LRFN2: variants seen among roughly 807,000 people sequenced by gnomAD.
LRFN2 encodes leucine-rich repeat and fibronectin type-III domain-containing protein 2.
LRFN2 carries 18 observed loss-of-function variants against 37.3 expected under a neutral mutation model. The ratio of observed to expected loss-of-function variants is 0.48; its 90% confidence interval spans 0.33 to 0.72. The LOEUF is 0.72. Ranked by LOEUF, LRFN2 falls within the 30% of genes least tolerant of loss-of-function variation. The pLI is 0.02. For missense variants in LRFN2, 1,006 were observed against 1,060.7 expected (o/e 0.95, Z 0.72); for synonymous variants, 556 against 466.6 (o/e 1.19, Z -2.47).
chr6:40,498,115 G>A (rs1001009663), intron 1 of LRFN2, among the ~76,000 whole-genome samples: 2 of 152,126 alleles, frequency 1.3e-5, no homozygotes, highest in East Asian at 1.9e-4. Flanking sequence ...CTACAACAGC[G>A]CGCCTATAGA....
chr6:40,538,076 C>T (rs1388397869), intron 1 of LRFN2, among the ~76,000 whole-genome samples: 2 of 152,300 alleles, frequency 1.3e-5, no homozygotes, highest in Middle Eastern at 3.4e-3. Flanking sequence ...CCTTGGAACG[C>T]TAAGGCAGAG....
intron 2 of LRFN2, among the ~76,000 whole-genome samples, chr6:40,415,798 T>A (rs1232967617): frequency 6.6e-6 from 1 of 152,180 alleles, no homozygotes; most frequent in East Asian, 1.9e-4. Context: ...ACCTCTCGAA[T>A]GACTAAAGGT....
At chr6:40,511,813 A>G (rs1253895205) in intron 1 of LRFN2, among the ~76,000 whole-genome samples, 1 of 152,230 alleles carries the variant, frequency 6.6e-6, no homozygotes, top group African/African-American at 2.4e-5. Context: ...CAAAGTTCTA[A>G]TATGATGATT....
chr6:40,400,906 T>C (rs1485222941), intron 2 of LRFN2, among the ~76,000 whole-genome samples: 1 of 151,458 alleles, frequency 6.6e-6, no homozygotes, highest in Non-Finnish European at 1.5e-5. Context: ...TGTGCCAGAG[T>C]GTAGGTGTTT....
intron 1 of LRFN2, among the ~76,000 whole-genome samples, chr6:40,566,790 C>T (rs956639077): frequency 2.0e-5 from 3 of 151,524 alleles, no homozygotes; most frequent in South Asian, 4.2e-4. Flanking sequence ...TGCTAAATGA[C>T]GAGTTAATGG....
At chr6:40,576,765 C>T (rs1314217488) in intron 1 of LRFN2, among the ~76,000 whole-genome samples, 2 of 152,180 alleles carry the variant, frequency 1.3e-5, no homozygotes, top group Admixed American at 6.5e-5. Flanking sequence ...GGGTCCTGGC[C>T]AGCCTGGCTC....
At chr6:40,545,236 A>G (rs1054791652) in intron 1 of LRFN2, among the ~76,000 whole-genome samples, 4 of 152,218 alleles carry the variant, frequency 2.6e-5, no homozygotes, top group African/African-American at 9.6e-5. Flanking sequence ...TTAGGCCTCT[A>G]ATGCTGGAGA....
At chr6:40,535,894 G>A (rs1766439693) in intron 1 of LRFN2, among the ~76,000 whole-genome samples, 3 of 152,020 alleles carry the variant, frequency 2.0e-5, no homozygotes. Flanking sequence ...TAGGGAAAGG[G>A]GACAGTAAGA....
rs557711725 is a variant in LRFN2 at position 40,510,081 on chromosome 6, C to A, written c.-19+76860G>T. On this transcript the variant is annotated intron_variant, in intron 1 of 2. Coordinates refer to ENST00000338305, the MANE Select transcript of LRFN2 (RefSeq NM_020737.3). The stretch of plus-strand genomic sequence containing the variant: ...AGCTGAGTGCATGCATGTGGGTATG[C>A]CACGGAACACTGGGTTGTTCAGATA... Among the ~76,000 whole-genome samples, 3 of 149,126 alleles carry A rather than the reference C, an allele frequency of 2.0e-5. No individual in the cohort carries two copies. The South Asian group carries it at 6.4e-4, about 32-fold the overall frequency.
intron 2 of LRFN2, among the ~76,000 whole-genome samples, chr6:40,413,386 C>T (rs550355493): frequency 3.5e-5 from 5 of 141,782 alleles, no homozygotes; most frequent in Non-Finnish European, 6.2e-5. Context: ...CCACTCAGCA[C>T]TGGGCCTGGG....
At chr6:40,568,528 T>C (rs555832320) in intron 1 of LRFN2, among the ~76,000 whole-genome samples, 115 of 152,316 alleles carry the variant, frequency 7.6e-4, no homozygotes, top group African/African-American at 2.7e-3. Flanking sequence ...AAGATAAAGA[T>C]CCTACGTGTG....
intron 1 of LRFN2, among the ~76,000 whole-genome samples, chr6:40,488,143 G>C (rs773587279): frequency 3.3e-5 from 5 of 152,140 alleles, no homozygotes; most frequent in African/African-American, 1.2e-4. Context: ...GAATAAATAG[G>C]CTCTTGGGAG....
chr6:40,558,275 C>A (rs1766927434), intron 1 of LRFN2, among the ~76,000 whole-genome samples: 1 of 152,182 alleles, frequency 6.6e-6, no homozygotes. Context: ...AGCCTGTGTC[C>A]CCTGGCTCCT....
At chr6:40,568,867 A>G (rs1767137721) in intron 1 of LRFN2, among the ~76,000 whole-genome samples, 1 of 152,122 alleles carries the variant, frequency 6.6e-6, no homozygotes, top group African/African-American at 2.4e-5. Context: ...GATTACAGGC[A>G]TGTGCCACCA....
intron 1 of LRFN2, among the ~76,000 whole-genome samples, chr6:40,514,703 T>C (rs936762131): frequency 6.6e-6 from 1 of 152,218 alleles, no homozygotes; most frequent in African/African-American, 2.4e-5. Context: ...AAATAAACTT[T>C]TGGCTTTTGA....
chr6:40,459,970 A>G (rs1326369591), intron 1 of LRFN2, among the ~76,000 whole-genome samples: 1 of 152,222 alleles, frequency 6.6e-6, no homozygotes, highest in Admixed American at 6.5e-5. Context: ...AGGAAGCTGC[A>G]ATTGCAAGCC....
chr6:40,429,544 T>C (rs1037525718), intron 2 of LRFN2, among the ~76,000 whole-genome samples: 2 of 152,214 alleles, frequency 1.3e-5, no homozygotes, highest in African/African-American at 4.8e-5. Flanking sequence ...ACCTCTCAAA[T>C]TGGCAAAGAT....
intron 1 of LRFN2, among the ~76,000 whole-genome samples, chr6:40,550,693 A>T (rs1263186370): frequency 6.6e-6 from 1 of 151,978 alleles, no homozygotes; most frequent in Non-Finnish European, 1.5e-5. Context: ...TTTTTTTTGC[A>T]ATTTTCATAT....
chr6:40,503,953 T>C (rs1435350043), intron 1 of LRFN2, among the ~76,000 whole-genome samples: 2 of 146,686 alleles, frequency 1.4e-5, no homozygotes, highest in Non-Finnish European at 3.0e-5. Flanking sequence ...AGTTATGGAA[T>C]GGAGGCAAAA....
Sources: gnomAD v4.1 joint callset for allele counts (sites outside exome capture counted in the v4.1 genomes callset) on GRCh38, gnomAD v4.1.1 for gene constraint, MANE v1.5 for transcripts, NCBI Gene and HGNC (gene_info 2026-07-23, HGNC 2026-07-21) for gene names.